The following GRM5 variants were observed in gnomAD, a reference collection of about 807,000 sequenced individuals.
GRM5 encodes metabotropic glutamate receptor 5.
Under a neutral mutation model 83.1 loss-of-function variants are expected in GRM5, and 19 were observed. The observed-to-expected ratio is 0.23, with a 90% CI of 0.16 to 0.34. The LOEUF (loss-of-function observed/expected upper bound fraction) is 0.34, where lower values mean the gene tolerates loss of function less well. Ranked by LOEUF, GRM5 falls within the 10% of genes least tolerant of loss-of-function variation. The probability of loss-of-function intolerance (pLI) is 1.00; values close to 1 mark genes in which losing one functional copy is unlikely to be tolerated. For missense variants in GRM5, 1,160 were observed against 1,588.3 expected, an observed-to-expected ratio of 0.73 and a Z score of 4.58; for synonymous variants, 675 against 633.6, an observed-to-expected ratio of 1.07 and a Z score of -0.98.
At chr11:88,742,054 T>G (rs941271749) in intron 3 of GRM5, among the ~76,000 whole-genome samples, 2 of 151,878 alleles carry the variant, frequency 1.3e-5, no homozygotes, top group African/African-American at 2.4e-5. Context: ...GAAGGAAGGT[T>G]AGGCTGTGCC....
At chr11:88,678,317 C>G (rs1940389170) in intron 3 of GRM5, among the ~76,000 whole-genome samples, 1 of 152,064 alleles carries the variant, frequency 6.6e-6, no homozygotes, top group African/African-American at 2.4e-5. Flanking sequence ...CCTTGGCCTC[C>G]CGAAGCACTG....
At chr11:88,916,394 C>G (rs1216389505) in intron 2 of GRM5, among the ~76,000 whole-genome samples, 6 of 152,062 alleles carry the variant, frequency 3.9e-5, no homozygotes, top group East Asian at 1.9e-4. Context: ...CACATTATAA[C>G]TCAGTTCTGA....
chr11:88,580,374 G>A (rs539486652), intron 7 of GRM5, among the ~76,000 whole-genome samples: 4 of 152,162 alleles, frequency 2.6e-5, no homozygotes, highest in Non-Finnish European at 4.4e-5. Context: ...AGACAGAAAA[G>A]AGGATCAACA....
chr11:88,908,414 A>T (rs913952723), intron 2 of GRM5, among the ~76,000 whole-genome samples: 1 of 152,084 alleles, frequency 6.6e-6, no homozygotes, highest in African/African-American at 2.4e-5. Flanking sequence ...GTAAGTAGTG[A>T]CTGCATGCTT....
chr11:88,770,542 T>C (rs974805940), intron 3 of GRM5, among the ~76,000 whole-genome samples: 3 of 152,078 alleles, frequency 2.0e-5, no homozygotes, highest in African/African-American at 7.2e-5. Flanking sequence ...ATTGAACAAA[T>C]GTTGCTTTTG....
intron 1 of GRM5, among the ~76,000 whole-genome samples, chr11:89,052,028 C>T (rs1241812306): frequency 6.6e-6 from 1 of 152,170 alleles, no homozygotes; most frequent in East Asian, 1.9e-4. Context: ...CTCCTAGCTT[C>T]TAGTTTGACA....
intron 3 of GRM5, among the ~76,000 whole-genome samples, chr11:88,799,320 C>T (rs757584397): frequency 2.6e-4 from 39 of 151,756 alleles, no homozygotes; most frequent in Non-Finnish European, 5.0e-4. Flanking sequence ...AACCGTTTAA[C>T]ATAGCAATTT....
chr11:88,727,257 C>T (rs948224829), intron 3 of GRM5, among the ~76,000 whole-genome samples: 3 of 151,954 alleles, frequency 2.0e-5, no homozygotes, highest in African/African-American at 7.3e-5. Context: ...ATAAAACAGA[C>T]TTTAAACCAA....
At chr11:88,914,844 C>T (rs1325978926) in intron 2 of GRM5, among the ~76,000 whole-genome samples, 4 of 151,782 alleles carry the variant, frequency 2.6e-5, no homozygotes, top group Admixed American at 1.3e-4. Flanking sequence ...TTGTAATATT[C>T]CTGGGGACTA....
chr11:88,568,169 G>A (rs1364683748), intron 7 of GRM5, among the ~76,000 whole-genome samples, 177 bp from the exon 8 acceptor site: 1 of 152,120 alleles, frequency 6.6e-6, no homozygotes, highest in Non-Finnish European at 1.5e-5. Flanking sequence ...CGTTAATGAT[G>A]ATATTACTGA....
intron 3 of GRM5, among the ~76,000 whole-genome samples, chr11:88,661,060 C>T (rs1939891698): frequency 6.6e-6 from 1 of 152,142 alleles, no homozygotes; most frequent in Non-Finnish European, 1.5e-5. Context: ...GATTTCTGCT[C>T]TCATAGAGGT....
At chr11:88,855,440 G>A (rs1944457368) in intron 2 of GRM5, among the ~76,000 whole-genome samples, 1 of 151,486 alleles carries the variant, frequency 6.6e-6, no homozygotes, top group Non-Finnish European at 1.5e-5. Context: ...ATTCCTTTAG[G>A]CTGGAGACTA....
chr11:88,945,642 A>C (rs684962), intron 2 of GRM5, among the ~76,000 whole-genome samples: 137,068 of 152,078 alleles, frequency 0.9, 63,392 homozygotes, highest in Non-Finnish European at 1. Context: ...CAGGTAAGGA[A>C]TGTCTATTCA....
At chr11:88,757,847 G>A (rs892162568) in intron 3 of GRM5, among the ~76,000 whole-genome samples, 6 of 152,032 alleles carry the variant, frequency 3.9e-5, no homozygotes, top group Admixed American at 2.0e-4. Flanking sequence ...TGATGTTTAG[G>A]GACCAGTGGT....
At chr11:88,539,483 T>C (rs955093250) in intron 8 of GRM5, among the ~76,000 whole-genome samples, 7 of 152,210 alleles carry the variant, frequency 4.6e-5, no homozygotes, top group African/African-American at 1.7e-4. Flanking sequence ...TGCTTGATTT[T>C]ATAGTTGTTT....
At chr11:89,063,972 TTGAG>T (rs1942051094) in intron 1 of GRM5, among the ~76,000 whole-genome samples, 2 of 152,134 alleles carry the variant, frequency 1.3e-5, no homozygotes, top group Non-Finnish European at 2.9e-5. Flanking sequence ...TAAACCTGTA[TTGAG>T]TGAGAAAGGG....
In GRM5 at chr11:88,858,875, T is replaced by C. The variant is rs189206262; in HGVS notation, c.662-8720A>G. ...GAATAGAAGTCTGAATTGGAACTAT[T>C]TGGGAGTCCTCAGTATATGGATAGC... is the stretch of plus-strand genomic sequence containing the variant. On this transcript the variant is annotated intron_variant, in intron 2 of 9. Coordinates refer to ENST00000305447, the MANE Select transcript of GRM5 (RefSeq NM_001143831.3). 2.6e-5 allele frequency among the ~76,000 whole-genome samples: 4 copies of C among 152,154 alleles called. No individual in the cohort carries two copies. The East Asian group carries it at 5.8e-4, about 22-fold the overall frequency.
chr11:88,834,731 C>T (rs554289801), intron 3 of GRM5, among the ~76,000 whole-genome samples: 4 of 152,238 alleles, frequency 2.6e-5, no homozygotes, highest in Admixed American at 6.5e-5. Context: ...TTTCTTCAGA[C>T]GTGATTTGCA....
intron 3 of GRM5, among the ~76,000 whole-genome samples, chr11:88,719,070 T>A (rs905849777): frequency 1.3e-5 from 2 of 152,030 alleles, no homozygotes; most frequent in Middle Eastern, 3.2e-3. Flanking sequence ...ACATACTTTT[T>A]TTTTTAACTT....
Sources: allele counts gnomAD v4.1 joint callset (sites outside exome capture counted in the v4.1 genomes callset), GRCh38; gene constraint gnomAD v4.1.1; transcripts MANE v1.5; gene names NCBI Gene and HGNC (gene_info 2026-07-23, HGNC 2026-07-21).